The following ROBO2 variants were observed in gnomAD, a reference collection of about 807,000 sequenced individuals.
ROBO2 encodes the protein roundabout guidance receptor 2.
ROBO2 carries 53 observed loss-of-function variants against 160.8 expected under a neutral mutation model. The ratio of observed to expected loss-of-function variants is 0.33; its 90% confidence interval spans 0.26 to 0.41. The LOEUF (loss-of-function observed/expected upper bound fraction) is 0.41, where lower values mean the gene tolerates loss of function less well. ROBO2 is among the 10% of genes least tolerant of loss of function. The pLI, the probability that ROBO2 is intolerant of heterozygous loss-of-function variation, is 1.00. For missense variants in ROBO2, 1,577 were observed against 1,722.4 expected, an observed-to-expected ratio of 0.92 and a Z score of 1.49; for synonymous variants, 664 against 611.7, an observed-to-expected ratio of 1.09 and a Z score of -1.26.
At chr3:77,471,528 T>C (rs1259429339) in intron 2 of ROBO2, among the ~76,000 whole-genome samples, 2 of 152,182 alleles carry the variant, frequency 1.3e-5, no homozygotes, top group African/African-American at 2.4e-5. Flanking sequence ...AATGGGCTTC[T>C]CCATTCTGCA....
intron 2 of ROBO2, among the ~76,000 whole-genome samples, chr3:76,242,361 C>T (rs1705342282): frequency 6.6e-6 from 1 of 152,078 alleles, no homozygotes; most frequent in African/African-American, 2.4e-5. Flanking sequence ...CAGCTACTAC[C>T]TTGTACTATT....
chr3:75,944,716 G>A (rs1374881835), intron 2 of ROBO2, among the ~76,000 whole-genome samples: 1 of 152,144 alleles, frequency 6.6e-6, no homozygotes, highest in Non-Finnish European at 1.5e-5. Context: ...ATCAACTTTA[G>A]CATTATCAAA....
intron 1 of ROBO2, among the ~76,000 whole-genome samples, chr3:75,934,230 A>C (rs1947670062): frequency 6.6e-6 from 1 of 152,174 alleles, no homozygotes. Context: ...CTGCATATCC[A>C]ATCTGTTTTA....
intron 2 of ROBO2, among the ~76,000 whole-genome samples, chr3:76,575,883 G>C (rs1416888573): frequency 6.6e-6 from 1 of 151,810 alleles, no homozygotes; most frequent in Admixed American, 6.6e-5. Context: ...TTTAGTGACT[G>C]CCTCTCATTT....
chr3:77,422,627 A>G (rs1229606593), intron 2 of ROBO2, among the ~76,000 whole-genome samples: 1 of 152,156 alleles, frequency 6.6e-6, no homozygotes, highest in Non-Finnish European at 1.5e-5. Flanking sequence ...GATTATCTTA[A>G]TATTTTCTTG....
At chr3:76,287,696 A>G (rs1708579486) in intron 2 of ROBO2, among the ~76,000 whole-genome samples, 3 of 152,184 alleles carry the variant, frequency 2.0e-5, no homozygotes, top group African/African-American at 4.8e-5. Flanking sequence ...CACACTGTCT[A>G]TGTTAGAATT....
intron 2 of ROBO2, among the ~76,000 whole-genome samples, chr3:77,165,100 G>C (rs936140143): frequency 6.6e-6 from 1 of 151,686 alleles, no homozygotes; most frequent in African/African-American, 2.4e-5. Flanking sequence ...GATGACAATG[G>C]CGGTTTTGTG....
At chr3:76,801,277 TG>T (rs1350277900) in intron 2 of ROBO2, among the ~76,000 whole-genome samples, 1 of 151,234 alleles carries the variant, frequency 6.6e-6, no homozygotes, top group Admixed American at 6.6e-5. Context: ...CGTGTGGGAG[TG>T]GGAAAGAAAT....
chr3:76,915,854 A>G (rs913480429), intron 2 of ROBO2, among the ~76,000 whole-genome samples: 4 of 152,138 alleles, frequency 2.6e-5, no homozygotes, highest in African/African-American at 9.7e-5. Flanking sequence ...ACGGTTCTGG[A>G]TCAAGGCGCC....
At chr3:77,460,309 TA>T (rs1191941593) in intron 2 of ROBO2, among the ~76,000 whole-genome samples, 1 of 152,092 alleles carries the variant, frequency 6.6e-6, no homozygotes, top group Admixed American at 6.6e-5. Flanking sequence ...ATTGCGGAAA[TA>T]AAGACTTGTA....
At chr3:76,727,063 T>G (rs1412788416) in intron 2 of ROBO2, among the ~76,000 whole-genome samples, 1 of 152,206 alleles carries the variant, frequency 6.6e-6, no homozygotes, top group Admixed American at 6.6e-5. Context: ...AATCCTGAAG[T>G]AATATCAAAA....
intron 2 of ROBO2, among the ~76,000 whole-genome samples, chr3:76,878,969 GAATT>G (rs35474711): frequency 0.11 from 17,193 of 152,046 alleles, 1,259 homozygotes; most frequent in Admixed American, 0.22. Flanking sequence ...AAAAGAAAAA[GAATT>G]AACATATTCA....
At chr3:76,966,068 A>G (rs916116246) in intron 2 of ROBO2, among the ~76,000 whole-genome samples, 2 of 151,540 alleles carry the variant, frequency 1.3e-5, no homozygotes, top group Non-Finnish European at 2.9e-5. Flanking sequence ...GACTACAGGC[A>G]TGTGCCATCA....
intron 2 of ROBO2, among the ~76,000 whole-genome samples, chr3:76,515,437 T>C (rs2081303296): frequency 6.6e-6 from 1 of 152,042 alleles, no homozygotes; most frequent in Non-Finnish European, 1.5e-5. Context: ...ATATAGTACA[T>C]CTCCTTTCAA....
intron 2 of ROBO2, among the ~76,000 whole-genome samples, chr3:76,651,961 T>C (rs1464591882): frequency 2.0e-5 from 3 of 152,140 alleles, no homozygotes; most frequent in Non-Finnish European, 4.4e-5. Flanking sequence ...CTGGAGGAGA[T>C]GGTTCTGATA....
intron 2 of ROBO2, among the ~76,000 whole-genome samples, chr3:77,031,729 A>G (rs1349271581): frequency 6.8e-6 from 1 of 147,548 alleles, no homozygotes; most frequent in African/African-American, 2.5e-5. Flanking sequence ...ATTATATATA[A>G]TAAATATATA....
At chr3:76,485,474 G>T (rs941789964) in intron 2 of ROBO2, among the ~76,000 whole-genome samples, 1 of 152,094 alleles carries the variant, frequency 6.6e-6, no homozygotes, top group Admixed American at 6.6e-5. Flanking sequence ...CTGCTGTGTG[G>T]CCCGGTTCCT....
chr3:76,553,909 C>T (rs1489544376), intron 2 of ROBO2, among the ~76,000 whole-genome samples: 1 of 152,110 alleles, frequency 6.6e-6, no homozygotes, highest in Non-Finnish European at 1.5e-5. Context: ...GGAAAACAGG[C>T]AGTGGAGTAG....
intron 2 of ROBO2, among the ~76,000 whole-genome samples, chr3:76,882,604 A>G (rs1359857563): frequency 6.6e-6 from 1 of 152,150 alleles, no homozygotes; most frequent in East Asian, 1.9e-4. Context: ...TCAACAAAAA[A>G]TACTCCCAAG....
Sources: allele counts gnomAD v4.1 joint callset (sites outside exome capture counted in the v4.1 genomes callset), GRCh38; gene constraint gnomAD v4.1.1; transcripts MANE v1.5; gene names NCBI Gene and HGNC (gene_info 2026-07-23, HGNC 2026-07-21).